NEB: variants seen among roughly 807,000 people sequenced by gnomAD.
NEB encodes the protein nemaline myopathy type 2.
NEB carries 512 observed loss-of-function variants against 952.2 expected under a neutral mutation model. That is an observed-to-expected ratio of 0.54 (90% confidence interval 0.50 to 0.58). The LOEUF is 0.58. Among genes scored for constraint, NEB ranks in the 20% least tolerant of loss-of-function variants. NEB has a pLI of 0.00. For synonymous variants in NEB, 2,900 were observed against 3,149.8 expected (o/e 0.92, Z 2.66); for missense variants, 8,428 against 9,231.1 (o/e 0.91, Z 3.56).
chr2:151,551,134 A>T (rs1456967251), intron 129 of NEB, among the ~76,000 whole-genome samples: 1 of 150,606 alleles, frequency 6.6e-6, no homozygotes, highest in Non-Finnish European at 1.5e-5. Context: ...TATCTGGCTA[A>T]TTTTTTGTAT....
At chr2:151,505,768 G>C (rs978810845) in intron 164 of NEB, among the ~76,000 whole-genome samples, 198 bp from the exon 165 acceptor site, 2 of 152,132 alleles carry the variant, frequency 1.3e-5, no homozygotes, top group African/African-American at 4.8e-5. Flanking sequence ...GGGACGCTTT[G>C]TCTCTCTCTC....
chr2:151,666,251 T>A lies in NEB; in HGVS notation c.4870A>T (p.Lys1624Ter), dbSNP rs1376824911. 4 of 1,613,984 alleles carry A rather than the reference T, an allele frequency of 2.5e-6. No homozygotes were observed. The highest frequency in any genetic ancestry group is 1.7e-6 in the Non-Finnish European group (2 of 1,179,850). ...YKKGYEASKT[K>*]YHTPLDMVSV... The stretch of plus-strand genomic sequence containing the variant: ...ACCATATCCAGAGGTGTGTGGTACT[T>A]GGTCTTGCTGGCTTCATAGCCCTTT... Residue 1624 changes from lysine to a stop codon, truncating the protein, a stop_gained, in exon 41 of 182, where the codon AAG (lysine) becomes TAG (stop). Coordinates refer to ENST00000397345, the MANE Select transcript of NEB (RefSeq NM_001164508.2). LOFTEE classifies it high-confidence loss of function.
chr2:151,654,540 A>G (rs189300215), intron 51 of NEB, among the ~76,000 whole-genome samples: 1 of 152,366 alleles, frequency 6.6e-6, no homozygotes, highest in East Asian at 1.9e-4. Context: ...AAATTGCAAT[A>G]ATTTAGTTGC....
chr2:151,503,700 A>T (rs1234453263), intron 165 of NEB, among the ~76,000 whole-genome samples: 1 of 152,222 alleles, frequency 6.6e-6, no homozygotes, highest in Non-Finnish European at 1.5e-5. Flanking sequence ...ATGCATTAAT[A>T]AATAAATTTA....
chr2:151,615,005 T>C (rs1321593333), intron 76 of NEB, among the ~76,000 whole-genome samples: 3 of 152,200 alleles, frequency 2.0e-5, no homozygotes, highest in African/African-American at 4.8e-5. Flanking sequence ...TTAGAACTTA[T>C]AATAGACTTC....
Position 151,664,617 on chromosome 2 carries a change from T to A in NEB, c.5344-9A>T. On this transcript the variant is annotated splice_polypyrimidine_tract_variant and intron_variant, in intron 43 of 181. Transcript: ENST00000397345. ...CCAGCTTTGTACAGTTTCTAAACAA[T>A]AAAATAGAAAAACAACAGCATCTTG... 6.3e-7 allele frequency: 1 copy of A among 1,590,564 alleles called. No individual in the cohort carries two copies. The highest frequency in any genetic ancestry group is 1.8e-5 in the Admixed American group (1 of 57,112).
At position 151,485,936 on chromosome 2, in the gene NEB, A is replaced by C. The variant is rs1222497271; in HGVS notation, c.25405-3T>G. ...TCATACATGGCACGGAAGATTTTCT[A>C]TTCGTGGGGATGGAAAAGGGGAAAT... On this transcript the variant is annotated splice_polypyrimidine_tract_variant and splice_region_variant and intron_variant, in intron 181 of 181. Coordinates refer to ENST00000397345, the MANE Select transcript of NEB (RefSeq NM_001164508.2). The C allele has an allele frequency of 9.9e-6, 16 of 1,613,404 alleles. No homozygotes were observed. The highest frequency in any genetic ancestry group is 1.4e-5 in the Non-Finnish European group (16 of 1,179,702).
chr2:151,487,046 T>A (rs925272423), intron 181 of NEB, among the ~76,000 whole-genome samples: 14 of 151,254 alleles, frequency 9.3e-5, no homozygotes, highest in African/African-American at 3.4e-4. Context: ...TGCATGAAAT[T>A]GTGTGTGTGT....
chr2:151,644,230 C>A (rs2098924277), intron 56 of NEB, 101 bp from the exon 57 acceptor site: 5 of 1,463,492 alleles, frequency 3.4e-6, no homozygotes, highest in Non-Finnish European at 3.7e-6. Context: ...TTTACTAAGC[C>A]TAGAGAGCCA....
intron 69 of NEB, 23 bp from the exon 70 acceptor site, chr2:151,627,228 C>T (rs780180106): frequency 6.3e-6 from 10 of 1,599,356 alleles, no homozygotes; most frequent in African/African-American, 1.3e-5. Context: ...AACACAAAAG[C>T]GAGTATTACT....
intron 107 of NEB, among the ~76,000 whole-genome samples, chr2:151,572,880 A>AG (rs1425718314): frequency 1.3e-5 from 2 of 151,732 alleles, no homozygotes; most frequent in Non-Finnish European, 1.5e-5. Context: ...CTAAAAAAAA[A>AG]AAAAAAAAGC....
Position 151,545,904 on chromosome 2 carries a change from T to G in NEB, c.20561A>C (p.Lys6854Thr), listed in dbSNP as rs2094608698. The G allele has an allele frequency of 1.9e-6, 3 of 1,603,878 alleles. No individual in the cohort carries two copies. The African/African-American group carries it at 4.0e-5, about 21-fold the overall frequency. Residue 6854 changes from lysine (K) to threonine (T), a missense_variant, in exon 135 of 182, where the codon AAG becomes ACG. By Grantham distance (78) the Lys-to-Thr change is moderately conservative. Transcript: ENST00000397345. ...CGTCCTTACCTCACTCAGATGTGTC[T>G]TCAGTTCTTGCACTTTTCTGTATTC... ...TPEYRKVQELKTHLSELVYRA... is the reference protein window; with the variant it reads ...TPEYRKVQELTTHLSELVYRA...
chr2:151,656,158 T>C lies in NEB; in HGVS notation c.6490A>G (p.Ser2164Gly), dbSNP rs2099083915. 3 of 1,587,726 alleles carry C rather than the reference T, an allele frequency of 1.9e-6. No homozygotes were observed. Among genetic ancestry groups the C allele is most frequent in the Non-Finnish European group, 2.6e-6 (3 of 1,165,748 alleles). The change falls in exon 49 of 182, where the codon AGT (serine) becomes GGT (glycine). Residue 2164 changes from serine (S) to glycine (G), a missense_variant. Physicochemically the swap from Ser to Gly is moderately conservative, Grantham distance 56. Coordinates refer to ENST00000397345, the MANE Select transcript of NEB (RefSeq NM_001164508.2). ...CAAGTAGAAGAAAGCCTTACATCACTCTGTATGCGATTCATATTCCTGGTC... is the reference window on the plus strand; with the variant it reads ...CAAGTAGAAGAAAGCCTTACATCACCCTGTATGCGATTCATATTCCTGGTC... Reference protein sequence around the residue: ...ELTRNMNRIQSDNEYKQDYNE... With the variant: ...ELTRNMNRIQGDNEYKQDYNE...
At position 151,546,463 on chromosome 2, in the gene NEB, A is replaced by C; in HGVS notation, c.20368-20T>G. 6.6e-7 allele frequency: 1 copy of C among 1,510,624 alleles called. No individual in the cohort carries two copies. Among genetic ancestry groups the C allele is most frequent in the Non-Finnish European group, 9.2e-7 (1 of 1,086,012 alleles). 93.6% of individuals were successfully genotyped at this position (1,510,624 alleles called of 1,614,324 possible). A position where few individuals can be genotyped will look rare whatever the true frequency, so the allele number is the denominator to read the frequency against. ...TTTAATCTGAGAGGCAAACACAGAA[A>C]TATAGCTGGTCATAAGCAAATGTAA... On this transcript the variant is annotated intron_variant, in intron 133 of 181. Coordinates refer to ENST00000397345, the MANE Select transcript of NEB (RefSeq NM_001164508.2).
intron 76 of NEB, 93 bp from the exon 77 acceptor site, chr2:151,614,680 C>G (rs2098132520): frequency 7.3e-7 from 1 of 1,374,248 alleles, no homozygotes; most frequent in African/African-American, 1.5e-5. Context: ...TTTCTTTTCC[C>G]CAACACTATC....
At position 151,677,652 on chromosome 2, in the gene NEB, C is replaced by T. The variant is rs2099380866; in HGVS notation, c.3687G>A (p.Arg1229=). 3.1e-6 allele frequency: 5 copies of T among 1,613,786 alleles called. No individual in the cohort carries two copies. Among genetic ancestry groups the T allele is most frequent in the East Asian group, 2.2e-5 (1 of 44,892 alleles). The change falls in exon 34 of 182, where the codon AGG becomes AGA. Residue 1229 remains arginine (R), a synonymous_variant. Transcript: ENST00000397345. ...TAAATTTGAGGGTGTCTGGATGTTG[C>T]CTGTACTTCTTTTCATTCAGAGCAT... ...AGDALNEKKY[R]QHPDTLKFTS...
chr2:151,631,131 G>C lies in NEB; in HGVS notation c.9618+12C>G, dbSNP rs1343115602. On this transcript the variant is annotated intron_variant, in intron 66 of 181. Transcript: ENST00000397345. ...TGGCATCTTGGAGAAGCTTAAGGCA[G>C]CTAGGACTCACCTTATTCATGTTGA... 3.1e-6 allele frequency: 5 copies of C among 1,613,544 alleles called. No homozygotes were observed. The South Asian group carries it at 4.4e-5, about 14-fold the overall frequency.
At chr2:151,624,585 A>C (rs759373587) in intron 71 of NEB, among the ~76,000 whole-genome samples, 2 of 152,184 alleles carry the variant, frequency 1.3e-5, no homozygotes, top group Non-Finnish European at 2.9e-5. Flanking sequence ...AAGTGAAATC[A>C]TACCCTCTCC....
In NEB at chr2:151,627,885, A is replaced by G. The variant is rs2154062207; in HGVS notation, c.9832-51T>C. On this transcript the variant is annotated intron_variant, in intron 68 of 181. Coordinates refer to ENST00000397345, the MANE Select transcript of NEB (RefSeq NM_001164508.2). ...AATAAAAATGAATAGAAAGGCTTAG[A>G]AGCCTCATTAATTTAAAACTTTATT... 3 of 1,554,850 alleles carry G rather than the reference A, an allele frequency of 1.9e-6. No individual in the cohort carries two copies. The South Asian group carries it at 3.7e-5, about 19-fold the overall frequency.
Sources: gnomAD v4.1 joint callset for allele counts (sites outside exome capture counted in the v4.1 genomes callset) on GRCh38, gnomAD v4.1.1 for gene constraint, MANE v1.5 for transcripts, NCBI Gene and HGNC (gene_info 2026-07-23, HGNC 2026-07-21) for gene names.